The following GRM1 variants were observed in gnomAD, a reference collection of about 807,000 sequenced individuals.
The protein encoded by GRM1 is glutamate metabotropic receptor 1.
GRM1 carries 33 observed loss-of-function variants against 90.9 expected under a neutral mutation model. The observed-to-expected ratio is 0.36, with a 90% CI of 0.28 to 0.49. The LOEUF is 0.49. Ranked by LOEUF, GRM1 falls within the 20% of genes least tolerant of loss-of-function variation. The probability of loss-of-function intolerance (pLI) is 0.99; values close to 1 mark genes in which losing one functional copy is unlikely to be tolerated. For missense variants in GRM1, 1,190 were observed against 1,534.3 expected, an observed-to-expected ratio of 0.78 and a Z score of 3.75; for synonymous variants, 700 against 613.2, an observed-to-expected ratio of 1.14 and a Z score of -2.09.
At chr6:146,284,092 TC>T (rs1782677316) in intron 2 of GRM1, among the ~76,000 whole-genome samples, 1 of 152,086 alleles carries the variant, frequency 6.6e-6, no homozygotes, top group Non-Finnish European at 1.5e-5. Flanking sequence ...CAGCAGAACA[TC>T]AAAGATCAGC....
chr6:146,362,724 A>G (rs886637779), intron 5 of GRM1, among the ~76,000 whole-genome samples: 5 of 151,814 alleles, frequency 3.3e-5, no homozygotes, highest in African/African-American at 1.2e-4. Flanking sequence ...TCTACTAGAG[A>G]CATAAAATTT....
intron 7 of GRM1, among the ~76,000 whole-genome samples, chr6:146,421,397 G>T (rs141396550): frequency 6.6e-6 from 1 of 151,986 alleles, no homozygotes; most frequent in Non-Finnish European, 1.5e-5. Flanking sequence ...GGAAATTGTT[G>T]AATGGAAATG....
chr6:146,115,038 G>A (rs891322144), intron 1 of GRM1, among the ~76,000 whole-genome samples: 1 of 151,998 alleles, frequency 6.6e-6, no homozygotes, highest in South Asian at 2.1e-4. Context: ...TATAGTTCAG[G>A]TCAAAAATCT....
At chr6:146,208,251 G>C (rs1445255053) in intron 2 of GRM1, among the ~76,000 whole-genome samples, 9 of 152,110 alleles carry the variant, frequency 5.9e-5, no homozygotes, top group Non-Finnish European at 1.3e-4. Flanking sequence ...AACCCAAGAA[G>C]GCTAATGGCA....
intron 2 of GRM1, among the ~76,000 whole-genome samples, chr6:146,221,082 C>T (rs929775362): frequency 2.0e-5 from 3 of 152,032 alleles, no homozygotes; most frequent in Non-Finnish European, 2.9e-5. Context: ...ATGGCATTTA[C>T]GCCAGCTCCA....
chr6:146,276,829 G>A (rs941062928), intron 2 of GRM1, among the ~76,000 whole-genome samples: 5 of 152,210 alleles, frequency 3.3e-5, no homozygotes, highest in African/African-American at 1.2e-4. Flanking sequence ...GGCAGGGCAC[G>A]GTGGTTTACG....
rs377465861 is a variant in GRM1 at position 146,389,167 on chromosome 6, G to C, written c.1729+2151G>C. Among the ~76,000 whole-genome samples the C allele has an allele frequency of 2.6e-5, 4 of 151,972 alleles. No individual in the cohort carries two copies. The East Asian group carries it at 7.7e-4, about 29-fold the overall frequency. ...TTGTGTTTGAGAGCTGGGGTTTACT[G>C]ACAGTCATTCCACTCATCTGTTTGA... On this transcript the variant is annotated intron_variant, in intron 6 of 7. Transcript: ENST00000282753.
chr6:146,382,437 A>G (rs1212292273), intron 5 of GRM1, among the ~76,000 whole-genome samples: 2 of 152,014 alleles, frequency 1.3e-5, no homozygotes, highest in Non-Finnish European at 2.9e-5. Flanking sequence ...ATTTTTGTTG[A>G]TTAAGAGTTC....
At chr6:146,411,174 G>A (rs1777553648) in intron 7 of GRM1, among the ~76,000 whole-genome samples, 1 of 152,060 alleles carries the variant, frequency 6.6e-6, no homozygotes, top group Non-Finnish European at 1.5e-5. Flanking sequence ...GGGTGTTATG[G>A]GAGTGTTATT....
At chr6:146,307,104 A>G (rs1783603689) in intron 3 of GRM1, among the ~76,000 whole-genome samples, 1 of 152,150 alleles carries the variant, frequency 6.6e-6, no homozygotes, top group Non-Finnish European at 1.5e-5. Flanking sequence ...GTACACTAAT[A>G]TTTTGGGTTT....
rs144627095 is a variant in GRM1, at chr6:146,348,437, C to T, written c.1187-3813C>T. Among the ~76,000 whole-genome samples, 64 of 152,300 alleles carry T rather than the reference C, an allele frequency of 4.2e-4. 1 individual carries two copies. Among genetic ancestry groups the T allele is most frequent in the African/African-American group, 1.2e-3 (51 of 41,562 alleles). On this transcript the variant is annotated intron_variant, in intron 3 of 7. Transcript: ENST00000282753. ...CATGCTAGTTTATTAGACTTGGGGC[C>T]AGCAGGGCTGAGACTGAGGTAGTAG... is the stretch of plus-strand genomic sequence containing the variant.
chr6:146,269,123 C>T (rs915983939), intron 2 of GRM1, among the ~76,000 whole-genome samples: 9 of 152,258 alleles, frequency 5.9e-5, no homozygotes, highest in Admixed American at 4.6e-4. Flanking sequence ...TGTTTTTATC[C>T]GCCCTGACTG....
At chr6:146,380,200 G>A (rs1562653334) in intron 5 of GRM1, among the ~76,000 whole-genome samples, 3 of 152,102 alleles carry the variant, frequency 2.0e-5, no homozygotes, top group Non-Finnish European at 4.4e-5. Context: ...GGACAGCAAG[G>A]TCTCCCAGAG....
chr6:146,369,766 T>C (rs984237501), intron 5 of GRM1, among the ~76,000 whole-genome samples: 1 of 152,072 alleles, frequency 6.6e-6, no homozygotes, highest in African/African-American at 2.4e-5. Context: ...GAATGTTAGA[T>C]GTACTGCTCG....
chr6:146,158,042 TGTA>T (rs999460663), intron 1 of GRM1, among the ~76,000 whole-genome samples: 1 of 152,168 alleles, frequency 6.6e-6, no homozygotes, highest in Non-Finnish European at 1.5e-5. Context: ...ACAGGGGTGA[TGTA>T]GTATAATTTC....
At chr6:146,426,691 C>T in intron 7 of GRM1, 1 of 908,034 alleles carries the variant, frequency 1.1e-6, no homozygotes, top group Non-Finnish European at 1.8e-6. Flanking sequence ...CTTGCTTTCT[C>T]TCTCCTGGGT....
At chr6:146,039,772 T>A (rs1791028202) in intron 1 of GRM1, among the ~76,000 whole-genome samples, 2 of 152,024 alleles carry the variant, frequency 1.3e-5, no homozygotes, top group African/African-American at 4.8e-5. Flanking sequence ...ACTTTCTATG[T>A]AGCAGGGAGG....
chr6:146,139,237 A>G (rs752933549), intron 1 of GRM1, among the ~76,000 whole-genome samples: 1 of 152,226 alleles, frequency 6.6e-6, no homozygotes, highest in Non-Finnish European at 1.5e-5. Context: ...GGTCTAATAT[A>G]TGGCCTATCC....
At chr6:146,342,970 C>T (rs1385729439) in intron 3 of GRM1, among the ~76,000 whole-genome samples, 6 of 148,962 alleles carry the variant, frequency 4.0e-5, no homozygotes, top group African/African-American at 1.5e-4. Flanking sequence ...CAGATTTCAT[C>T]TTTTTTTTTT....
Sources: allele counts gnomAD v4.1 joint callset (sites outside exome capture counted in the v4.1 genomes callset), GRCh38; gene constraint gnomAD v4.1.1; transcripts MANE v1.5; gene names NCBI Gene and HGNC (gene_info 2026-07-23, HGNC 2026-07-21).